BOC: variants seen among roughly 807,000 people sequenced by gnomAD.
The protein encoded by BOC is BOC cell adhesion associated, oncogene regulated, also known as brother of CDO.
A neutral mutation model predicts 112.0 loss-of-function variants in BOC; 76 were observed. That is an observed-to-expected ratio of 0.68 (90% CI 0.56 to 0.82). The LOEUF (loss-of-function observed/expected upper bound fraction) is 0.82, where lower values mean the gene tolerates loss of function less well. BOC is among the 40% of genes least tolerant of loss of function. The pLI is 0.00. For synonymous variants in BOC, 580 were observed against 599.8 expected, an observed-to-expected ratio of 0.97 and a Z score of 0.48; for missense variants, 1,309 against 1,511.7, an observed-to-expected ratio of 0.87 and a Z score of 2.22.
At position 113,272,675 on chromosome 3, in the gene BOC, G is replaced by A. The variant is rs200516897; in HGVS notation, c.933G>A (p.Ala311=). 7.6e-5 allele frequency: 123 copies of A among 1,613,606 alleles called. No homozygotes were observed. Among genetic ancestry groups the A allele is most frequent in the Non-Finnish European group, 9.3e-5 (110 of 1,179,926 alleles). The change falls in exon 7 of 20, where the codon GCG becomes GCA. Residue 311 remains alanine (A), a synonymous_variant. Coordinates refer to ENST00000682979, the MANE Select transcript of BOC (RefSeq NM_001378074.1). ...ADNGVGQPGA[A]VILYNVQVFE... ...ATGGGGTTGGGCAGCCCGGGGCAGC[G>A]GTCATCCTCTACAATGTCCAGGTGT...
intron 6 of BOC, 167 bp downstream of exon 6, chr3:113,271,111 C>T (rs1299850222): frequency 1.0e-6 from 1 of 1,002,306 alleles, no homozygotes. Flanking sequence ...GGATTCTCTC[C>T]CCTCTGGCCG....
intron 4 of BOC, among the ~76,000 whole-genome samples, chr3:113,255,883 G>T (rs1167226003): frequency 1.3e-5 from 2 of 152,088 alleles, no homozygotes; most frequent in African/African-American, 4.8e-5. Context: ...GGGCCAAACT[G>T]GTATAATGGA....
chr3:113,286,582 C>T lies in BOC; in HGVS notation c.3161-93C>T, dbSNP rs2107774484. The T allele has an allele frequency of 2.6e-6, 3 of 1,162,936 alleles. No homozygotes were observed. In the South Asian group the frequency reaches 6.0e-5, roughly 23 times the overall value. 72.0% of individuals were successfully genotyped at this position (1,162,936 alleles called of 1,614,324 possible). ...CCCCTTTCCAGAGCCAGTGTAACCA[C>T]CTCCACCACAGATAGAGATTGGCCC... On this transcript the variant is annotated intron_variant, in intron 19 of 19. Transcript: ENST00000682979.
At chr3:113,267,617 G>T (rs1302162642) in intron 4 of BOC, among the ~76,000 whole-genome samples, 1 of 152,224 alleles carries the variant, frequency 6.6e-6, no homozygotes, top group East Asian at 1.9e-4. Context: ...GAAGTGGGGT[G>T]TGGCTCCTGA....
rs146438057 is a variant in BOC at position 113,278,790 on chromosome 3, C to T, written c.1816+7C>T. On this transcript the variant is annotated splice_region_variant and intron_variant, in intron 11 of 19. Coordinates refer to ENST00000682979, the MANE Select transcript of BOC (RefSeq NM_001378074.1). The surrounding 1 kb of genome is among the most constrained non-coding windows in gnomAD (Gnocchi z 4.2). ...GACCACGGCCGCCTCTCCCGTAAGC[C>T]GCTAGCAGCAGGGACGGACGCGCAG... is the stretch of plus-strand genomic sequence containing the variant. The T allele has an allele frequency of 2.2e-4, 342 of 1,553,090 alleles. 2 individuals carry two copies. The African/African-American group carries it at 4.3e-3, about 20-fold the overall frequency.
At position 113,284,551 on chromosome 3, in the gene BOC, C is replaced by G; in HGVS notation, c.2873C>G (p.Pro958Arg). 1.9e-6 allele frequency: 3 copies of G among 1,613,112 alleles called. No homozygotes were observed. The highest frequency in any genetic ancestry group is 2.5e-6 in the Non-Finnish European group (3 of 1,179,506). Reference sequence around the variant, plus strand: ...GGCATGAAGCCCCAGCAGCACTGCCCAGGCGAGCTTCAGCAGGTAGCGCAT... The same window carrying G: ...GGCATGAAGCCCCAGCAGCACTGCCGAGGCGAGCTTCAGCAGGTAGCGCAT... ...YPGMKPQQHCPGELQQQSDTS... is the reference protein window; with the variant it reads ...YPGMKPQQHCRGELQQQSDTS... Residue 958 changes from proline (P) to arginine (R), a missense_variant, in exon 17 of 20, where the codon CCA becomes CGA. Transcript: ENST00000682979.
intron 4 of BOC, among the ~76,000 whole-genome samples, chr3:113,262,878 G>A (rs1348010026): frequency 6.6e-6 from 1 of 152,198 alleles, no homozygotes; most frequent in Admixed American, 6.5e-5. Flanking sequence ...AACATAGTGA[G>A]GAGTGTCAGG....
intron 2 of BOC, among the ~76,000 whole-genome samples, chr3:113,229,463 T>C (rs1942244150): frequency 6.6e-6 from 1 of 152,178 alleles, no homozygotes. Context: ...AAGCAATTGT[T>C]CCTGGCCCCA....
intron 1 of BOC, among the ~76,000 whole-genome samples, chr3:113,212,960 T>C (rs1222992584): frequency 6.6e-6 from 1 of 152,186 alleles, no homozygotes; most frequent in African/African-American, 2.4e-5. Context: ...GGGAGAATGC[T>C]GAGGGATGAG....
At position 113,274,804 on chromosome 3, in the gene BOC, C is replaced by A; in HGVS notation, c.1542+122C>A. ...TGAAGCCTGAGCCGGTAATCCCCAC[C>A]ACTAAACAGGCCCTTCTGTCTCCTC... is the stretch of plus-strand genomic sequence containing the variant. On this transcript the variant is annotated intron_variant, in intron 9 of 19. Coordinates refer to ENST00000682979, the MANE Select transcript of BOC (RefSeq NM_001378074.1). This position sits in a 1 kb window ranked among gnomAD's most constrained non-coding sequence, Gnocchi z 4.8. The A allele has an allele frequency of 9.9e-7, 1 of 1,009,942 alleles. No homozygotes were observed. Among genetic ancestry groups the A allele is most frequent in the Non-Finnish European group, 1.4e-6 (1 of 707,214 alleles). The allele number at this position is 1,009,942 out of a possible 1,614,324, so 62.6% of individuals were successfully genotyped here.
chr3:113,261,972 G>T (rs1005552919), intron 4 of BOC: 17 of 145,822 alleles, frequency 1.2e-4, no homozygotes, highest in South Asian at 8.7e-4. Flanking sequence ...ACAAAGGTTT[G>T]TTTTTTTTTT....
Position 113,284,535 on chromosome 3 carries a change from C to T in BOC, c.2857C>T (p.Pro953Ser), listed in dbSNP as rs770309274. Residue 953 changes from proline to serine, a missense_variant, in exon 17 of 20, where the codon CCC (proline) becomes TCC (serine). Physicochemically the swap from Pro to Ser is moderately conservative, Grantham distance 74. Coordinates refer to ENST00000682979, the MANE Select transcript of BOC (RefSeq NM_001378074.1). ...SAAVGYPGMK[P>S]QQHCPGELQQ... The stretch of plus-strand genomic sequence containing the variant: ...TGCAGTGGGCTACCCGGGCATGAAG[C>T]CCCAGCAGCACTGCCCAGGCGAGCT... The T allele has an allele frequency of 6.2e-7, 1 of 1,613,720 alleles. No homozygotes were observed. Among genetic ancestry groups the T allele is most frequent in the South Asian group, 1.1e-5 (1 of 91,070 alleles).
In BOC at chr3:113,274,344, C is replaced by T; in HGVS notation, c.1235-31C>T. On this transcript the variant is annotated intron_variant, in intron 8 of 19. Coordinates refer to ENST00000682979, the MANE Select transcript of BOC (RefSeq NM_001378074.1). This position sits in a 1 kb window ranked among gnomAD's most constrained non-coding sequence, Gnocchi z 4.8. ...CTCAGCAGGTAAACCAGGAGACTAACCTTTCCTTCTGCTTCCTGTTGGTCC... is the reference window on the plus strand; with the variant it reads ...CTCAGCAGGTAAACCAGGAGACTAATCTTTCCTTCTGCTTCCTGTTGGTCC... 6.7e-7 allele frequency: 1 copy of T among 1,488,334 alleles called. No homozygotes were observed. The highest frequency in any genetic ancestry group is 8.9e-7 in the Non-Finnish European group (1 of 1,121,506). 92.2% of individuals were successfully genotyped at this position (1,488,334 alleles called of 1,614,324 possible). A position where few individuals can be genotyped will look rare whatever the true frequency, so the allele number is the denominator to read the frequency against.
At chr3:113,251,085 GCATGGCAGAACTTGA>G (rs1945577269) in intron 4 of BOC, 4 of 605,060 alleles carry the variant, frequency 6.6e-6, no homozygotes, top group East Asian at 2.8e-5. Context: ...ATTGGTCAGT[GCATGGCAGAACTTGA>G]CATGGCAGAA....
intron 2 of BOC, among the ~76,000 whole-genome samples, chr3:113,227,010 A>G (rs1253042898): frequency 1.3e-5 from 2 of 152,224 alleles, no homozygotes; most frequent in Admixed American, 1.3e-4. Context: ...TCAGATCACA[A>G]CAAGAGGTCA....
intron 8 of BOC, among the ~76,000 whole-genome samples, chr3:113,273,890 G>A (rs1016151785): frequency 1.3e-5 from 2 of 152,218 alleles, no homozygotes; most frequent in Non-Finnish European, 2.9e-5. Context: ...GAAACCTCCT[G>A]AAGGAAGCAC....
chr3:113,274,700 G>A lies in BOC; in HGVS notation c.1542+18G>A, dbSNP rs769883622. Reference sequence around the variant, plus strand: ...ACCGCAAGGTATGGCCCTGGTGTGGGGCTGCTGCCTCCCCTGCACAGCCTT... The same window carrying A: ...ACCGCAAGGTATGGCCCTGGTGTGGAGCTGCTGCCTCCCCTGCACAGCCTT... On this transcript the variant is annotated intron_variant, in intron 9 of 19. Transcript: ENST00000682979. This position sits in a 1 kb window ranked among gnomAD's most constrained non-coding sequence, Gnocchi z 4.8. 4 of 1,564,284 alleles carry A rather than the reference G, an allele frequency of 2.6e-6. No homozygotes were observed. Among genetic ancestry groups the A allele is most frequent in the African/African-American group, 2.7e-5 (2 of 74,074 alleles).
chr3:113,271,117 G>A, intron 6 of BOC, 173 bp downstream of exon 6: 1 of 955,172 alleles, frequency 1.0e-6, no homozygotes, highest in Non-Finnish European at 1.6e-6. Context: ...TCTCCCCTCT[G>A]GCCGGCCTCA....
intron 17 of BOC, 87 bp downstream of exon 17, chr3:113,284,654 G>C: frequency 6.6e-7 from 1 of 1,525,150 alleles, no homozygotes. Context: ...TCCCTCCTAG[G>C]GTCTCAGGCT....
Sources: allele counts gnomAD v4.1 joint callset (sites outside exome capture counted in the v4.1 genomes callset), GRCh38; gene constraint gnomAD v4.1.1; non-coding constraint Gnocchi (gnomAD v3.1); transcripts MANE v1.5; gene names NCBI Gene and HGNC (gene_info 2026-07-23, HGNC 2026-07-21).